RNF212B: variants seen among roughly 807,000 people sequenced by gnomAD.
RNF212B encodes ring finger protein 212B, also known as E3 ubiquitin-protein ligase RNF212B.
Under a neutral mutation model 55.5 loss-of-function variants are expected in RNF212B, and 52 were observed. The ratio of observed to expected loss-of-function variants is 0.94; its 90% confidence interval spans 0.75 to 1.18. The LOEUF is 1.18. Ranked by LOEUF, RNF212B falls within the 50% of genes most tolerant of loss-of-function variation. The pLI is 0.00. For missense variants in RNF212B, 289 were observed against 350.4 expected (o/e 0.82, Z 1.40); for synonymous variants, 99 against 121.4 (o/e 0.82, Z 1.21).
chr14:23,231,764 CCAGTGCCTGCGATTGCAGG>C (rs1882631911), intron 2 of RNF212B, among the ~76,000 whole-genome samples: 1 of 152,118 alleles, frequency 6.6e-6, no homozygotes, highest in Non-Finnish European at 1.5e-5. Flanking sequence ...CTCAGCCTGC[CCAGTGCCTGCGATTGCAGG>C]CACGCGCCGC....
At chr14:23,258,467 T>C (rs1021140084) in intron 4 of RNF212B, 82 bp from the exon 5 acceptor site, 2 of 619,290 alleles carry the variant, frequency 3.2e-6, no homozygotes, top group African/African-American at 3.8e-5. Flanking sequence ...TAAAGTGTGA[T>C]TTGATGGCTT....
chr14:23,240,243 A>G (rs928913993), intron 1 of RNF212B, 102 bp from the exon 2 acceptor site: 2 of 716,504 alleles, frequency 2.8e-6, no homozygotes, highest in African/African-American at 1.8e-5. Flanking sequence ...ACATCCCAAA[A>G]AGCTATCAGA....
At chr14:23,195,883 A>T (rs7161362) in intron 2 of RNF212B, among the ~76,000 whole-genome samples, 2,891 of 152,316 alleles carry the variant, frequency 0.019, 99 homozygotes, top group African/African-American at 0.066. Flanking sequence ...GTTCAAAATT[A>T]TGTGACTTGC....
At chr14:23,270,995 T>C (rs1406879421) in intron 14 of RNF212B, among the ~76,000 whole-genome samples, 1 of 152,180 alleles carries the variant, frequency 6.6e-6, no homozygotes, top group Non-Finnish European at 1.5e-5. Context: ...ATCTTTTGGG[T>C]AGGGGTACTA....
intron 2 of RNF212B, among the ~76,000 whole-genome samples, chr14:23,204,023 C>G (rs1879593178): frequency 6.6e-6 from 1 of 152,120 alleles, no homozygotes; most frequent in South Asian, 2.1e-4. Flanking sequence ...TATATCTTCT[C>G]TTGAGAATTG....
At chr14:23,199,270 A>G (rs1292887958) in intron 2 of RNF212B, among the ~76,000 whole-genome samples, 1 of 152,204 alleles carries the variant, frequency 6.6e-6, no homozygotes, top group Non-Finnish European at 1.5e-5. Flanking sequence ...ACATTGGTTC[A>G]GTCTGGAAAG....
chr14:23,261,219 A>C (rs1188161888), intron 7 of RNF212B: 1 of 309,470 alleles, frequency 3.2e-6, no homozygotes, highest in East Asian at 1.2e-4. Context: ...GAAAGGTAAA[A>C]ACACCTTCAA....
intron 2 of RNF212B, among the ~76,000 whole-genome samples, chr14:23,232,037 G>T (rs546547458): frequency 1.2e-3 from 177 of 152,336 alleles, no homozygotes; most frequent in African/African-American, 3.9e-3. Flanking sequence ...CCAAAGTGCC[G>T]AGATTGCAGC....
chr14:23,243,702 AAAAAAAAAAAAAAAAAAGC>A (rs1474590654), intron 3 of RNF212B, among the ~76,000 whole-genome samples: 3 of 138,284 alleles, frequency 2.2e-5, no homozygotes, highest in Admixed American at 7.1e-5. Flanking sequence ...CTCAAAAAAA[AAAAAAAAAAAAAAAAAAGC>A]AAGCAAGCAA....
At chr14:23,238,584 A>G (rs1883303844) in intron 1 of RNF212B, among the ~76,000 whole-genome samples, 1 of 151,622 alleles carries the variant, frequency 6.6e-6, no homozygotes, top group South Asian at 2.1e-4. Context: ...AAATAAAAAT[A>G]AAAAATAGCC....
chr14:23,258,720 G>C, intron 5 of RNF212B, 56 bp downstream of exon 5: 2 of 767,520 alleles, frequency 2.6e-6, no homozygotes, highest in Non-Finnish European at 4.0e-6. Flanking sequence ...TTTCTAAGAA[G>C]TGACAGTCCT....
chr14:23,226,754 T>G, intron 2 of RNF212B, among the ~76,000 whole-genome samples: 1 of 133,980 alleles, frequency 7.5e-6, no homozygotes, highest in Admixed American at 7.5e-5. Flanking sequence ...TCCCCTCCCC[T>G]CCCCTCCCGT....
At chr14:23,201,618 T>C (rs894243082) in intron 2 of RNF212B, among the ~76,000 whole-genome samples, 4 of 152,186 alleles carry the variant, frequency 2.6e-5, no homozygotes, top group African/African-American at 9.6e-5. Context: ...TGTAATATCT[T>C]AAAGGAGTAA....
chr14:23,259,649 T>A (rs539464960), intron 5 of RNF212B: 2 of 314,598 alleles, frequency 6.4e-6, no homozygotes, highest in African/African-American at 4.4e-5. Flanking sequence ...TGGAATTCTT[T>A]GCAAATTCCC....
chr14:23,246,720 G>C (rs1217317595), intron 4 of RNF212B, among the ~76,000 whole-genome samples: 1 of 152,098 alleles, frequency 6.6e-6, no homozygotes, highest in Non-Finnish European at 1.5e-5. Context: ...GAGCCACCAT[G>C]CCCAATCTGA....
intron 4 of RNF212B, among the ~76,000 whole-genome samples, chr14:23,247,583 T>A (rs1884082804): frequency 6.6e-6 from 1 of 152,214 alleles, no homozygotes; most frequent in Non-Finnish European, 1.5e-5. Flanking sequence ...AGCATCTCTG[T>A]TAGGACTTTA....
chr14:23,247,487 C>A (rs1355036538), intron 4 of RNF212B, among the ~76,000 whole-genome samples: 1 of 145,884 alleles, frequency 6.9e-6, no homozygotes, highest in Admixed American at 6.9e-5. Flanking sequence ...CAGGGCATTT[C>A]ATAAATATGG....
At chr14:23,206,974 C>G (rs1325348409) in intron 2 of RNF212B, among the ~76,000 whole-genome samples, 1 of 150,914 alleles carries the variant, frequency 6.6e-6, no homozygotes, top group East Asian at 1.9e-4. Context: ...AACATGAAGG[C>G]CTTTCAAATA....
intron 2 of RNF212B, among the ~76,000 whole-genome samples, chr14:23,196,977 C>G (rs569569153): frequency 2.2e-4 from 33 of 152,288 alleles, no homozygotes; most frequent in Admixed American, 1.1e-3. Flanking sequence ...ACTGCAAACT[C>G]CATGAGTGCA....
Sources: gnomAD v4.1 joint callset for allele counts (sites outside exome capture counted in the v4.1 genomes callset) on GRCh38, gnomAD v4.1.1 for gene constraint, MANE v1.5 for transcripts, NCBI Gene and HGNC (gene_info 2026-07-23, HGNC 2026-07-21) for gene names.